The following OLFM2 variants were observed in gnomAD, a reference collection of about 807,000 sequenced individuals.
OLFM2 encodes the protein olfactomedin 2, also known as noelin-2.
A neutral mutation model predicts 43.9 loss-of-function variants in OLFM2; 20 were observed. The observed-to-expected ratio is 0.46, with a 90% confidence interval of 0.32 to 0.66. The LOEUF is 0.66. Among genes scored for constraint, OLFM2 ranks in the 30% least tolerant of loss-of-function variants. The pLI is 0.04. For missense variants in OLFM2, 416 were observed against 643.6 expected, an observed-to-expected ratio of 0.65 and a Z score of 3.83; for synonymous variants, 268 against 278.6, an observed-to-expected ratio of 0.96 and a Z score of 0.38.
At chr19:9,915,474 G>C (rs186441621) in intron 1 of OLFM2, among the ~76,000 whole-genome samples, 5 of 151,376 alleles carry the variant, frequency 3.3e-5, no homozygotes, top group Admixed American at 1.3e-4. Context: ...ACTTTAAACA[G>C]AGTGATTGGA....
At chr19:9,908,671 G>A (rs2046803682) in intron 1 of OLFM2, among the ~76,000 whole-genome samples, 1 of 151,618 alleles carries the variant, frequency 6.6e-6, no homozygotes, top group Non-Finnish European at 1.5e-5. Flanking sequence ...TAGAGACGGG[G>A]TTTCACCATG....
intron 1 of OLFM2, among the ~76,000 whole-genome samples, chr19:9,897,754 C>T (rs2046699161): frequency 6.6e-6 from 1 of 152,078 alleles, no homozygotes; most frequent in African/African-American, 2.4e-5. Context: ...ACAATTCAGG[C>T]TCCTCCACAG....
At chr19:9,893,660 G>A (rs186620398) in intron 1 of OLFM2, among the ~76,000 whole-genome samples, 1 of 152,220 alleles carries the variant, frequency 6.6e-6, no homozygotes, top group African/African-American at 2.4e-5. Flanking sequence ...TCTCACGTGT[G>A]GAGCACTTCT....
chr19:9,914,157 C>T (rs2046856285), intron 1 of OLFM2, among the ~76,000 whole-genome samples: 1 of 151,978 alleles, frequency 6.6e-6, no homozygotes, highest in Non-Finnish European at 1.5e-5. Context: ...GCCTGAGCCG[C>T]GGGACCCCGC....
chr19:9,893,956 G>C (rs1182562471), intron 1 of OLFM2, among the ~76,000 whole-genome samples: 2 of 151,972 alleles, frequency 1.3e-5, no homozygotes, highest in Non-Finnish European at 2.9e-5. Context: ...CCCAGCCTCA[G>C]ACACCAAACC....
intron 1 of OLFM2, among the ~76,000 whole-genome samples, chr19:9,921,758 T>A (rs8110748): frequency 6.6e-6 from 1 of 151,702 alleles, no homozygotes; most frequent in African/African-American, 2.4e-5. Context: ...ATGCTAGGAT[T>A]ACAGGCATGA....
In OLFM2 at chr19:9,857,391, T is replaced by G; in HGVS notation, c.452A>C (p.Glu151Ala). 6.2e-7 allele frequency: 1 copy of G among 1,614,152 alleles called. No homozygotes were observed. Among genetic ancestry groups the G allele is most frequent in the South Asian group, 1.1e-5 (1 of 91,084 alleles). The part of the protein sequence containing the change: ...ADTRTIVRLR[E>A]EVRNLSGSLA... ...ACTGCCGGAGAGATTCCTCACCTCC[T>G]CCCGCAAGCGTACAATGGTCCGCGT... Residue 151 changes from glutamate to alanine, a missense_variant, in exon 4 of 6, where the codon GAG (glutamate) becomes GCG (alanine). Glu to Ala is a moderately radical substitution (Grantham distance 107, BLOSUM62 -1). Transcript: ENST00000264833. This position sits in a 1 kb window ranked among gnomAD's most constrained non-coding sequence, Gnocchi z 5.7.
At chr19:9,873,018 G>A (rs1328220907) in intron 1 of OLFM2, among the ~76,000 whole-genome samples, 1 of 152,152 alleles carries the variant, frequency 6.6e-6, no homozygotes, top group East Asian at 1.9e-4. Flanking sequence ...CCATCTCATG[G>A]TAGGTACTAA....
chr19:9,916,823 C>T (rs1413847776), intron 1 of OLFM2, among the ~76,000 whole-genome samples: 1 of 152,170 alleles, frequency 6.6e-6, no homozygotes, highest in African/African-American at 2.4e-5. Context: ...TTTGCCAGGT[C>T]CACACCCTCA....
intron 1 of OLFM2, among the ~76,000 whole-genome samples, chr19:9,931,572 GC>G (rs1416408527): frequency 1.3e-5 from 2 of 151,782 alleles, no homozygotes; most frequent in African/African-American, 2.4e-5. Flanking sequence ...GTGGTGGCAC[GC>G]CCCTGTAGTC....
In OLFM2 at chr19:9,853,797, C is replaced by T; in HGVS notation, c.*389G>A. ...AAAAAAAGAAACAGATCCATGCACT[C>T]AACTCCTGGGGGTGGGGGTGGGGGT... On this transcript the variant is annotated 3_prime_UTR_variant, in exon 6 of 6. Coordinates refer to ENST00000264833, the MANE Select transcript of OLFM2 (RefSeq NM_058164.4). 1 of 417,558 alleles carries T rather than the reference C, an allele frequency of 2.4e-6. No individual in the cohort carries two copies. Among genetic ancestry groups the T allele is most frequent in the Non-Finnish European group, 4.0e-6 (1 of 249,982 alleles). The allele number at this position is 417,558 out of a possible 1,614,324, so 25.9% of individuals were successfully genotyped here.
At chr19:9,855,188 C>T (rs939161073) in intron 5 of OLFM2, among the ~76,000 whole-genome samples, 1 of 151,984 alleles carries the variant, frequency 6.6e-6, no homozygotes, top group Admixed American at 6.6e-5. Context: ...CTGCATGGCC[C>T]CAGTAGGACC....
intron 1 of OLFM2, among the ~76,000 whole-genome samples, chr19:9,933,625 A>G (rs1484853930): frequency 1.6e-5 from 2 of 126,674 alleles, no homozygotes; most frequent in Non-Finnish European, 3.2e-5. Flanking sequence ...TGGCGATCGC[A>G]GCTCACCGCA....
At chr19:9,923,381 C>G (rs1405333013) in intron 1 of OLFM2, among the ~76,000 whole-genome samples, 1 of 151,610 alleles carries the variant, frequency 6.6e-6, no homozygotes, top group Non-Finnish European at 1.5e-5. Context: ...ATGGTGAAAT[C>G]CTGTCTCTAC....
At chr19:9,934,171 C>T (rs2086501664) in intron 1 of OLFM2, among the ~76,000 whole-genome samples, 1 of 152,140 alleles carries the variant, frequency 6.6e-6, no homozygotes, top group Non-Finnish European at 1.5e-5. Context: ...CTCTGCAGAC[C>T]CCTCCCTTCC....
intron 1 of OLFM2, among the ~76,000 whole-genome samples, chr19:9,907,321 G>A (rs2046793648): frequency 6.6e-6 from 1 of 152,122 alleles, no homozygotes; most frequent in Non-Finnish European, 1.5e-5. Context: ...TAGGCAGGGT[G>A]GCGCACACCT....
chr19:9,866,330 G>C (rs1389030555), intron 1 of OLFM2, among the ~76,000 whole-genome samples: 1 of 152,110 alleles, frequency 6.6e-6, no homozygotes, highest in Non-Finnish European at 1.5e-5. Flanking sequence ...ACAAAGTCAA[G>C]AGTTCTTGGC....
chr19:9,897,434 G>C (rs1027934822), intron 1 of OLFM2, among the ~76,000 whole-genome samples: 1 of 152,116 alleles, frequency 6.6e-6, no homozygotes, highest in Non-Finnish European at 1.5e-5. Flanking sequence ...GGAGGTTGAG[G>C]CTGCCGTGAG....
chr19:9,857,367 C>G lies in OLFM2; in HGVS notation c.476G>C (p.Ser159Thr). The G allele has an allele frequency of 6.2e-7, 1 of 1,614,220 alleles. No individual in the cohort carries two copies. Among genetic ancestry groups the G allele is most frequent in the Non-Finnish European group, 8.5e-7 (1 of 1,180,036 alleles). ...CATCTCCTCCTGAATGGCCGCCAGA[C>G]TGCCGGAGAGATTCCTCACCTCCTC... ...LREEVRNLSGSLAAIQEEMGA... is the reference protein window; with the variant it reads ...LREEVRNLSGTLAAIQEEMGA... The change falls in exon 4 of 6, where the codon AGT becomes ACT. Residue 159 changes from serine (S) to threonine (T), a missense_variant. By Grantham distance (58) the Ser-to-Thr change is moderately conservative. Coordinates refer to ENST00000264833, the MANE Select transcript of OLFM2 (RefSeq NM_058164.4). The surrounding 1 kb of genome is among the most constrained non-coding windows in gnomAD (Gnocchi z 5.7).
Sources: allele counts gnomAD v4.1 joint callset (sites outside exome capture counted in the v4.1 genomes callset), GRCh38; gene constraint gnomAD v4.1.1; non-coding constraint Gnocchi (gnomAD v3.1); transcripts MANE v1.5; gene names NCBI Gene and HGNC (gene_info 2026-07-23, HGNC 2026-07-21).